FSTL4: variants seen among roughly 807,000 people sequenced by gnomAD.
The protein encoded by FSTL4 is follistatin like 4.
FSTL4 carries 28 observed loss-of-function variants against 78.2 expected under a neutral mutation model. That is an observed-to-expected ratio of 0.36 (90% confidence interval 0.27 to 0.49). The LOEUF is 0.49. FSTL4 is among the 20% of genes least tolerant of loss of function. The probability of loss-of-function intolerance (pLI) is 0.98; values close to 1 mark genes in which losing one functional copy is unlikely to be tolerated. For missense variants in FSTL4, 922 were observed against 1,084.9 expected (o/e 0.85, Z 2.11); for synonymous variants, 422 against 440.5 (o/e 0.96, Z 0.53).
intron 4 of FSTL4, among the ~76,000 whole-genome samples, chr5:133,357,813 G>C (rs1309254899): frequency 1.3e-5 from 2 of 152,154 alleles, no homozygotes; most frequent in African/African-American, 4.8e-5. Context: ...CCATGCTGAG[G>C]TCCCCAAAGG....
At chr5:133,769,690 T>G in the FSTL4 span, among the ~76,000 whole-genome samples, 1 of 152,196 alleles carries the variant, frequency 6.6e-6, no homozygotes, top group African/African-American at 2.4e-5. Flanking sequence ...AAAAATTACA[T>G]AAACTAATTC....
intron 4 of FSTL4, among the ~76,000 whole-genome samples, chr5:133,346,459 T>C (rs1754700192): frequency 6.6e-6 from 1 of 152,256 alleles, no homozygotes; most frequent in African/African-American, 2.4e-5. Context: ...ATTACCTCAC[T>C]GCCTTCCAGT....
At chr5:133,246,230 C>T (rs1752035420) in intron 7 of FSTL4, among the ~76,000 whole-genome samples, 1 of 152,186 alleles carries the variant, frequency 6.6e-6, no homozygotes, top group South Asian at 2.1e-4. Context: ...GTGAACGTGG[C>T]CACTGAGACA....
At chr5:133,269,127 A>AGCTGAGATCGTGCCAC (rs1398322489) in intron 6 of FSTL4, among the ~76,000 whole-genome samples, 3 of 144,530 alleles carry the variant, frequency 2.1e-5, no homozygotes, top group Non-Finnish European at 4.5e-5. Context: ...GCTTGCAGTG[A>AGCTGAGATCGTGCCAC]GCTGAGATCG....
the FSTL4 span, among the ~76,000 whole-genome samples, chr5:133,816,181 C>T: frequency 7.9e-5 from 12 of 152,184 alleles, no homozygotes; most frequent in Admixed American, 2.0e-4. Context: ...AAGGTGAGGA[C>T]GCTTGTGAGG....
intron 13 of FSTL4, among the ~76,000 whole-genome samples, chr5:133,212,655 C>T (rs1300907251): frequency 6.6e-6 from 1 of 151,602 alleles, no homozygotes; most frequent in African/African-American, 2.4e-5. Context: ...TTTTTTTAAA[C>T]AGAGTTCCCA....
chr5:133,383,288 G>A (rs756923128), intron 4 of FSTL4, among the ~76,000 whole-genome samples: 5 of 152,168 alleles, frequency 3.3e-5, no homozygotes, highest in Non-Finnish European at 5.9e-5. Flanking sequence ...TCTCAGGAAG[G>A]AGGTTCGCCT....
the FSTL4 span, among the ~76,000 whole-genome samples, chr5:133,766,380 G>T: frequency 6.6e-6 from 1 of 152,202 alleles, no homozygotes; most frequent in African/African-American, 2.4e-5. Flanking sequence ...GTTACTATCT[G>T]ACCGTTTACA....
At chr5:133,595,267 TAAG>T (rs1760715927) in intron 2 of FSTL4, among the ~76,000 whole-genome samples, 1 of 152,108 alleles carries the variant, frequency 6.6e-6, no homozygotes, top group Middle Eastern at 3.2e-3. Flanking sequence ...AGAAGAAAGT[TAAG>T]AAGATTTGAA....
At chr5:133,299,262 G>A (rs1753476104) in intron 6 of FSTL4, among the ~76,000 whole-genome samples, 1 of 152,196 alleles carries the variant, frequency 6.6e-6, no homozygotes, top group African/African-American at 2.4e-5. Flanking sequence ...ACATGAGTGT[G>A]AAGGCTCAGG....
intron 14 of FSTL4, among the ~76,000 whole-genome samples, chr5:133,205,537 C>T (rs1750470145): frequency 6.6e-6 from 1 of 152,152 alleles, no homozygotes; most frequent in Admixed American, 6.5e-5. Flanking sequence ...GGATTCCAGT[C>T]ATTCCTGTAA....
At chr5:133,480,165 C>G (rs545633266) in intron 3 of FSTL4, among the ~76,000 whole-genome samples, 1 of 152,314 alleles carries the variant, frequency 6.6e-6, no homozygotes, top group Non-Finnish European at 1.5e-5. Context: ...TGGGGAGGGA[C>G]TCACAGGCTG....
At chr5:133,398,183 C>T (rs564616277) in intron 4 of FSTL4, among the ~76,000 whole-genome samples, 19 of 152,322 alleles carry the variant, frequency 1.2e-4, no homozygotes, top group South Asian at 2.1e-4. Flanking sequence ...GCCTTCCATC[C>T]GTCAGGCTCC....
chr5:133,833,497 G>A, the FSTL4 span, among the ~76,000 whole-genome samples: 1 of 152,112 alleles, frequency 6.6e-6, no homozygotes, highest in Non-Finnish European at 1.5e-5. Flanking sequence ...TAGAATCACG[G>A]GGAAGTTTCA....
intron 3 of FSTL4, among the ~76,000 whole-genome samples, chr5:133,557,024 C>T (rs879580053): frequency 7.9e-5 from 12 of 152,326 alleles, no homozygotes; most frequent in Admixed American, 7.8e-4. Context: ...TCTCAAGTTT[C>T]GGCTGGTGAA....
chr5:133,569,400 A>C (rs1162052039), intron 2 of FSTL4, among the ~76,000 whole-genome samples: 1 of 152,226 alleles, frequency 6.6e-6, no homozygotes. Flanking sequence ...TTAGCCTGAG[A>C]TATGTTTATT....
chr5:133,455,194 C>T (rs1337250385), intron 3 of FSTL4, among the ~76,000 whole-genome samples: 2 of 152,296 alleles, frequency 1.3e-5, no homozygotes, highest in East Asian at 3.9e-4. Flanking sequence ...AGTAATCTCC[C>T]CATGTTTAGA....
At chr5:133,341,589 C>T (rs574881628) in intron 4 of FSTL4, among the ~76,000 whole-genome samples, 1 of 152,186 alleles carries the variant, frequency 6.6e-6, no homozygotes, top group African/African-American at 2.4e-5. Flanking sequence ...GCTCTTTTGC[C>T]AAGGGAGCAC....
chr5:133,200,480 G>A (rs1436559086), intron 15 of FSTL4, among the ~76,000 whole-genome samples: 1 of 152,232 alleles, frequency 6.6e-6, no homozygotes, highest in African/African-American at 2.4e-5. Flanking sequence ...GCAGAGCCTG[G>A]GGCAGGCTGC....
Sources: gnomAD v4.1 joint callset for allele counts (sites outside exome capture counted in the v4.1 genomes callset) on GRCh38, gnomAD v4.1.1 for gene constraint, MANE v1.5 for transcripts, NCBI Gene and HGNC (gene_info 2026-07-23, HGNC 2026-07-21) for gene names.